The following CACNA1B variants were observed in gnomAD, a reference collection of about 807,000 sequenced individuals.
The protein encoded by CACNA1B is calcium voltage-gated channel subunit alpha1 B, also known as voltage-dependent N-type calcium channel subunit alpha-1B.
CACNA1B carries 70 observed loss-of-function variants against 247.2 expected under a neutral mutation model. The ratio of observed to expected loss-of-function variants is 0.28; its 90% confidence interval spans 0.23 to 0.35. CACNA1B has a LOEUF of 0.35. CACNA1B is among the 10% of genes least tolerant of loss of function. The pLI is 1.00. For synonymous variants in CACNA1B, 1,231 were observed against 1,294.4 expected (o/e 0.95, Z 1.05); for missense variants, 2,367 against 3,197.4 (o/e 0.74, Z 6.26).
chr9:138,043,752 CG>C (rs771434425), intron 20 of CACNA1B, 21 bp from the exon 21 acceptor site: 2 of 1,613,472 alleles, frequency 1.2e-6, no homozygotes, highest in South Asian at 1.1e-5. Context: ...ACCCCTTACT[CG>C]GGGGCCCTGT....
chr9:138,066,256 G>T (rs1252009956), intron 31 of CACNA1B, among the ~76,000 whole-genome samples: 3 of 152,224 alleles, frequency 2.0e-5, no homozygotes, highest in Admixed American at 6.5e-5. Flanking sequence ...TGCAAAGCAG[G>T]TTCTGGCAGC....
chr9:138,096,804 G>A (rs904488336), intron 37 of CACNA1B, among the ~76,000 whole-genome samples, 193 bp downstream of exon 37: 55 of 147,832 alleles, frequency 3.7e-4, no homozygotes, highest in Non-Finnish European at 7.0e-4. Flanking sequence ...TTTCCATCTC[G>A]TGTGCCTTCG....
In CACNA1B at chr9:138,014,997, G is replaced by C. The variant is rs567969903; in HGVS notation, c.2267+1762G>C. On this transcript the variant is annotated intron_variant, in intron 18 of 46. Transcript: ENST00000371372. The surrounding 1 kb of genome is among the most constrained non-coding windows in gnomAD (Gnocchi z 6.2). ...GGCATCCTTGGGCACAGTGTACATCGACACCACCTGTTGGCCTGAGCACCA... is the reference window on the plus strand; with the variant it reads ...GGCATCCTTGGGCACAGTGTACATCCACACCACCTGTTGGCCTGAGCACCA... Among the ~76,000 whole-genome samples, 8 of 152,144 alleles carry C rather than the reference G, an allele frequency of 5.3e-5. No individual in the cohort carries two copies. Among genetic ancestry groups the C allele is most frequent in the African/African-American group, 1.9e-4 (8 of 41,436 alleles).
intron 3 of CACNA1B, among the ~76,000 whole-genome samples, chr9:137,889,265 C>G (rs1394280623): frequency 6.7e-6 from 1 of 150,298 alleles, no homozygotes. Context: ...GGTCCTTGGA[C>G]TGCAGCCCTG....
chr9:138,038,647 C>T (rs537204458), intron 20 of CACNA1B, among the ~76,000 whole-genome samples: 1 of 152,370 alleles, frequency 6.6e-6, no homozygotes, highest in African/African-American at 2.4e-5. Context: ...CAGAGTGTCC[C>T]TGTGGGAGCC....
rs961452298 is a variant in CACNA1B at position 137,882,008 on chromosome 9, G to T, written c.391-736G>T. On this transcript the variant is annotated intron_variant, in intron 2 of 46. Transcript: ENST00000371372. This position sits in a 1 kb window ranked among gnomAD's most constrained non-coding sequence, Gnocchi z 4.0. ...AGCCCAGGGTGGCTCCCAGCTTCAG[G>T]CTCAGACTGTGGCTGGCTGCCTCCA... 8.5e-5 allele frequency among the ~76,000 whole-genome samples: 13 copies of T among 152,206 alleles called. No individual in the cohort carries two copies. The highest frequency in any genetic ancestry group is 2.9e-4 in the African/African-American group (12 of 41,448).
In CACNA1B at chr9:137,955,046, G is replaced by T. The variant is rs1957931072; in HGVS notation, c.1071-652G>T. 6.6e-6 allele frequency among the ~76,000 whole-genome samples: 1 copy of T among 152,078 alleles called. No homozygotes were observed. ...CACCATGACGGCTGTGAAGGCTCAG[G>T]CGGGGCTGGGGTGAGATGTCGGGGG... On this transcript the variant is annotated intron_variant, in intron 7 of 46. Transcript: ENST00000371372. This position sits in a 1 kb window ranked among gnomAD's most constrained non-coding sequence, Gnocchi z 6.9.
In CACNA1B at chr9:137,899,731, T is replaced by A. The variant is rs1957210636; in HGVS notation, c.531-13449T>A. ...GTGACAAAGCAGATCCTGGAGATGG[T>A]GCCTCCCCTGCCAGCTTGGCTCCCA... On this transcript the variant is annotated intron_variant, in intron 3 of 46. Coordinates refer to ENST00000371372, the MANE Select transcript of CACNA1B (RefSeq NM_000718.4). The surrounding 1 kb of genome is among the most constrained non-coding windows in gnomAD (Gnocchi z 5.0). 6.6e-6 allele frequency among the ~76,000 whole-genome samples: 1 copy of A among 152,156 alleles called. No homozygotes were observed. The highest frequency in any genetic ancestry group is 6.5e-5 in the Admixed American group (1 of 15,286).
At position 138,054,237 on chromosome 9, in the gene CACNA1B, C is replaced by T. The variant is rs914651085; in HGVS notation, c.3968+231C>T. Among the ~76,000 whole-genome samples, 1 of 152,248 alleles carries T rather than the reference C, an allele frequency of 6.6e-6. No homozygotes were observed. Among genetic ancestry groups the T allele is most frequent in the Admixed American group, 6.5e-5 (1 of 15,292 alleles). Reference sequence around the variant, plus strand: ...ACCACACCAGGGACCCCCAGCACTTCCTCCTCAGCAGAGTCAGGAACCAGG... The same window carrying T: ...ACCACACCAGGGACCCCCAGCACTTTCTCCTCAGCAGAGTCAGGAACCAGG... On this transcript the variant is annotated intron_variant, in intron 26 of 46. Transcript: ENST00000371372. The surrounding 1 kb of genome is among the most constrained non-coding windows in gnomAD (Gnocchi z 4.6).
chr9:138,111,819 C>G (rs1169302869), intron 39 of CACNA1B, among the ~76,000 whole-genome samples: 1 of 151,990 alleles, frequency 6.6e-6, no homozygotes, highest in East Asian at 1.9e-4. Context: ...CTTTTACCTT[C>G]AGGGCACACA....
chr9:138,108,613 A>AT (rs893975262), intron 39 of CACNA1B, among the ~76,000 whole-genome samples: 3 of 152,180 alleles, frequency 2.0e-5, no homozygotes, highest in Admixed American at 6.5e-5. Context: ...ATAAACATAG[A>AT]TTTTTTTAAA....
At position 137,919,129 on chromosome 9, in the gene CACNA1B, C is replaced by T. The variant is rs147188074; in HGVS notation, c.966+1698C>T. Among the ~76,000 whole-genome samples the T allele has an allele frequency of 5.3e-5, 8 of 152,240 alleles. No homozygotes were observed. Among genetic ancestry groups the T allele is most frequent in the East Asian group, 1.9e-4 (1 of 5,198 alleles). On this transcript the variant is annotated intron_variant, in intron 6 of 46. Coordinates refer to ENST00000371372, the MANE Select transcript of CACNA1B (RefSeq NM_000718.4). This position sits in a 1 kb window ranked among gnomAD's most constrained non-coding sequence, Gnocchi z 4.6. The stretch of plus-strand genomic sequence containing the variant: ...TTCTTCTGCCTGGGTCTCTGCCTCC[C>T]GCAGGAGGGGATGGGCAGGAGCCCC...
At chr9:137,926,630 A>G (rs1219917867) in intron 6 of CACNA1B, among the ~76,000 whole-genome samples, 1 of 152,234 alleles carries the variant, frequency 6.6e-6, no homozygotes, top group Non-Finnish European at 1.5e-5. Flanking sequence ...CAATAGTTGT[A>G]CCATTTGACA....
rs1962170534 is a variant in CACNA1B, at chr9:138,123,556, T to C, written c.*1557T>C. ...CATGATTCTCCTCAAAGAAATTGTG[T>C]GTGATGTGTGTGTGTGTGTGTGTGT... On this transcript the variant is annotated 3_prime_UTR_variant, in exon 47 of 47. Coordinates refer to ENST00000371372, the MANE Select transcript of CACNA1B (RefSeq NM_000718.4). 1.2e-5 allele frequency: 1 copy of C among 85,972 alleles called. No homozygotes were observed. Among genetic ancestry groups the C allele is most frequent in the Non-Finnish European group, 2.4e-5 (1 of 42,142 alleles). 5.3% of individuals were successfully genotyped at this position (85,972 alleles called of 1,614,324 possible).
At chr9:138,083,145 A>T (rs925753598) in intron 36 of CACNA1B, among the ~76,000 whole-genome samples, 2 of 151,018 alleles carry the variant, frequency 1.3e-5, no homozygotes, top group Non-Finnish European at 2.9e-5. Context: ...CAAAGCCAAC[A>T]CTGCTCAGCC....
At chr9:137,983,862 C>G (rs144805897) in intron 12 of CACNA1B, among the ~76,000 whole-genome samples, 1 of 128,990 alleles carries the variant, frequency 7.8e-6, no homozygotes, top group African/African-American at 3.1e-5. Context: ...CAGGCCTAAC[C>G]TGGTCCATGT....
intron 16 of CACNA1B, 33 bp from the exon 17 acceptor site, chr9:138,009,977 C>CAG: frequency 6.4e-7 from 1 of 1,573,692 alleles, no homozygotes; most frequent in Non-Finnish European, 8.7e-7. Context: ...CCATGTGGGG[C>CAG]AGAGGTTCCC....
intron 20 of CACNA1B, among the ~76,000 whole-genome samples, chr9:138,031,637 C>T (rs1242888163): frequency 6.6e-6 from 1 of 152,150 alleles, no homozygotes; most frequent in Non-Finnish European, 1.5e-5. Flanking sequence ...TTTATCTTTG[C>T]TCCTTTCAGT....
intron 10 of CACNA1B, among the ~76,000 whole-genome samples, chr9:137,960,179 G>T: frequency 6.9e-6 from 1 of 144,850 alleles, no homozygotes; most frequent in African/African-American, 2.6e-5. Context: ...TGGCGGGGAG[G>T]GAAAGTTGGC....
Sources: gnomAD v4.1 joint callset for allele counts (sites outside exome capture counted in the v4.1 genomes callset) on GRCh38, gnomAD v4.1.1 for gene constraint, Gnocchi (gnomAD v3.1) non-coding constraint, MANE v1.5 for transcripts, NCBI Gene and HGNC (gene_info 2026-07-23, HGNC 2026-07-21) for gene names.